NUFIP1: variants seen among roughly 807,000 people sequenced by gnomAD.
NUFIP1 encodes the protein FMR1-interacting protein NUFIP1.
NUFIP1 carries 38 observed loss-of-function variants against 56.2 expected under a neutral mutation model. The observed-to-expected ratio is 0.68, with a 90% CI of 0.52 to 0.89. NUFIP1 has a LOEUF of 0.89. NUFIP1 is among the 40% of genes least tolerant of loss of function. NUFIP1 has a pLI of 0.00. For missense variants in NUFIP1, 567 were observed against 605.8 expected, an observed-to-expected ratio of 0.94 and a Z score of 0.67; for synonymous variants, 215 against 212.4, an observed-to-expected ratio of 1.01 and a Z score of -0.10.
chr13:44,978,783 G>A (rs1872078363), intron 5 of NUFIP1, among the ~76,000 whole-genome samples: 1 of 152,108 alleles, frequency 6.6e-6, no homozygotes, highest in African/African-American at 2.4e-5. Flanking sequence ...TTGAGCAGCA[G>A]GTTACATTTG....
Position 44,983,687 on chromosome 13 carries a change from C to G in NUFIP1, c.413-1533G>C, listed in dbSNP as rs572878519. ...TGGTATGTGCCTGTAGTCCCAGCTA[C>G]TTGTGAGGCTGAGATGGGAGAATCA... On this transcript the variant is annotated intron_variant, in intron 1 of 9. Coordinates refer to ENST00000379161, the MANE Select transcript of NUFIP1 (RefSeq NM_012345.3). Among the ~76,000 whole-genome samples, 4 of 152,248 alleles carry G rather than the reference C, an allele frequency of 2.6e-5. No individual in the cohort carries two copies. In the South Asian group the frequency reaches 8.3e-4, roughly 32 times the overall value.
chr13:44,956,098 T>G (rs923982599), intron 7 of NUFIP1, among the ~76,000 whole-genome samples: 5 of 144,290 alleles, frequency 3.5e-5, no homozygotes, highest in African/African-American at 1.3e-4. Context: ...GAGCCGAGAT[T>G]GCGCCACTGC....
At chr13:44,969,691 T>C (rs551130923) in intron 5 of NUFIP1, among the ~76,000 whole-genome samples, 1 of 152,288 alleles carries the variant, frequency 6.6e-6, no homozygotes, top group East Asian at 1.9e-4. Flanking sequence ...TGCCTATACC[T>C]TATGCCTCCA....
At chr13:44,981,132 T>C (rs1872173820) in intron 2 of NUFIP1, among the ~76,000 whole-genome samples, 19 of 152,142 alleles carry the variant, frequency 1.2e-4, no homozygotes, top group Admixed American at 1.2e-3. Context: ...GTTGAAATGA[T>C]CTGAAAATAA....
intron 7 of NUFIP1, among the ~76,000 whole-genome samples, chr13:44,950,278 T>G (rs1044458406): frequency 3.3e-5 from 5 of 152,228 alleles, no homozygotes; most frequent in African/African-American, 1.2e-4. Context: ...TTTAAGACTG[T>G]TTTTGGGGAT....
Position 44,989,203 on chromosome 13 carries a change from C to A in NUFIP1, c.234G>T (p.Pro78=), listed in dbSNP as rs762055154. The change falls in exon 1 of 10, where the codon CCG becomes CCT. Residue 78 remains proline (P), a synonymous_variant. Coordinates refer to ENST00000379161, the MANE Select transcript of NUFIP1 (RefSeq NM_012345.3). The part of the protein sequence containing the change: ...PMEAQSLPGA[P]PPFDAQILPG... Reference sequence around the variant, plus strand: ...GAAGAATCTGGGCGTCGAAGGGGGGCGGAGCCCCGGGGAGAGACTGGGCCT... The same window carrying A: ...GAAGAATCTGGGCGTCGAAGGGGGGAGGAGCCCCGGGGAGAGACTGGGCCT... The A allele has an allele frequency of 2.5e-6, 4 of 1,610,454 alleles. No homozygotes were observed. The highest frequency in any genetic ancestry group is 2.2e-5 in the South Asian group (2 of 90,560).
chr13:44,940,519 C>T lies in NUFIP1; in HGVS notation c.*687G>A, dbSNP rs978505369. The T allele has an allele frequency of 6.6e-6, 1 of 152,122 alleles. No homozygotes were observed. Among genetic ancestry groups the T allele is most frequent in the African/African-American group, 2.4e-5 (1 of 41,434 alleles). 9.4% of individuals were successfully genotyped at this position (152,122 alleles called of 1,614,324 possible). On this transcript the variant is annotated 3_prime_UTR_variant, in exon 10 of 10. Transcript: ENST00000379161. ...ATGACTAGAACACAAGCTCAAATTC[C>T]CTGGTATTATAGGAGACAAAAAGAT...
chr13:44,984,245 T>C (rs1872302127), intron 1 of NUFIP1, among the ~76,000 whole-genome samples: 1 of 152,212 alleles, frequency 6.6e-6, no homozygotes, highest in African/African-American at 2.4e-5. Flanking sequence ...TCAGCTATTA[T>C]ATGCCTCTAT....
chr13:44,988,982 G>A (rs1872543177), intron 1 of NUFIP1, 43 bp downstream of exon 1: 1 of 1,599,642 alleles, frequency 6.3e-7, no homozygotes, highest in South Asian at 1.1e-5. Context: ...AAAGAACGGG[G>A]GAAAAAGGTA....
In NUFIP1 at chr13:44,959,496, G is replaced by C; in HGVS notation, c.906C>G (p.Asp302Glu). The C allele has an allele frequency of 6.2e-7, 1 of 1,613,986 alleles. No individual in the cohort carries two copies. The highest frequency in any genetic ancestry group is 8.5e-7 in the Non-Finnish European group (1 of 1,179,998). Reference protein sequence around the residue: ...SPGKNHKWKNDNSRQRAVTGS... With the variant: ...SPGKNHKWKNENSRQRAVTGS... ...CAGTGACTGCTCTCTGTCTAGAATT[G>C]TCGTTTTTCCATTTGTGATTCTTGC... is the stretch of plus-strand genomic sequence containing the variant. Residue 302 changes from aspartate to glutamate, a missense_variant, in exon 7 of 10, where the codon GAC becomes GAG. Physicochemically the swap from Asp to Glu is conservative, Grantham distance 45 (BLOSUM62 2). Coordinates refer to ENST00000379161, the MANE Select transcript of NUFIP1 (RefSeq NM_012345.3).
intron 5 of NUFIP1, among the ~76,000 whole-genome samples, chr13:44,969,536 G>T (rs956764845): frequency 6.6e-6 from 1 of 151,972 alleles, no homozygotes; most frequent in African/African-American, 2.4e-5. Flanking sequence ...TTTCACAGTT[G>T]GTTTTTCTAT....
In NUFIP1 at chr13:44,989,276, A is replaced by C. The variant is rs1431904878; in HGVS notation, c.161T>G (p.Leu54Arg). 6.2e-7 allele frequency: 1 copy of C among 1,613,628 alleles called. No individual in the cohort carries two copies. The change falls in exon 1 of 10, where the codon CTT becomes CGT. Residue 54 changes from leucine (L) to arginine (R), a missense_variant. Transcript: ENST00000379161. ...GGAAGGCTTTGACCCGGCTGCGGGA[A>C]GCGAGGACGTAAGTGGTGGTGGCGG... ...PPPPPPLTSS[L>R]PAAGSKPSSE...
At position 44,987,979 on chromosome 13, in the gene NUFIP1, T is replaced by C. The variant is rs1276860527; in HGVS notation, c.412+1046A>G. ...CCACACTGGTTCCCATTCTGATGTA[T>C]AGCTTCTAAGCCTCAAGACCTTTGC... On this transcript the variant is annotated intron_variant, in intron 1 of 9. Transcript: ENST00000379161. Among the ~76,000 whole-genome samples the C allele has an allele frequency of 5.3e-5, 8 of 152,232 alleles. No homozygotes were observed. The South Asian group carries it at 8.3e-4, about 16-fold the overall frequency.
intron 8 of NUFIP1, among the ~76,000 whole-genome samples, chr13:44,947,710 T>C (rs1024219821): frequency 6.6e-5 from 10 of 152,180 alleles, no homozygotes; most frequent in African/African-American, 2.4e-4. Context: ...GTCCAGCCTG[T>C]TTTTATGGGA....
chr13:44,948,810 C>A (rs978328599), intron 8 of NUFIP1, among the ~76,000 whole-genome samples: 2 of 152,122 alleles, frequency 1.3e-5, no homozygotes, highest in African/African-American at 4.8e-5. Flanking sequence ...CGTTACCATC[C>A]GTAACATCAT....
rs561271336 is a variant in NUFIP1, at chr13:44,964,250, G to T, written c.827+1594C>A. Among the ~76,000 whole-genome samples, 29 of 152,164 alleles carry T rather than the reference G, an allele frequency of 1.9e-4. 1 individual carries two copies. Among genetic ancestry groups the T allele is most frequent in the Admixed American group, 1.0e-3 (16 of 15,282 alleles). Reference sequence around the variant, plus strand: ...AAAAGATTAATAAATCAGACTTCATGAAAATTGAAATTTTTATTTATAAAA... The same window carrying T: ...AAAAGATTAATAAATCAGACTTCATTAAAATTGAAATTTTTATTTATAAAA... On this transcript the variant is annotated intron_variant, in intron 6 of 9. Coordinates refer to ENST00000379161, the MANE Select transcript of NUFIP1 (RefSeq NM_012345.3).
chr13:44,957,161 T>C (rs1871273170), intron 7 of NUFIP1, among the ~76,000 whole-genome samples: 2 of 152,308 alleles, frequency 1.3e-5, no homozygotes, highest in South Asian at 2.1e-4. Context: ...ACCCTCATTA[T>C]AGGTAAGGGT....
rs1343067697 is a variant in NUFIP1 at position 44,940,341 on chromosome 13, C to T, written c.*865G>A. 6.6e-6 allele frequency: 1 copy of T among 152,246 alleles called. No individual in the cohort carries two copies. The highest frequency in any genetic ancestry group is 1.5e-5 in the Non-Finnish European group (1 of 68,040). 9.4% of individuals were successfully genotyped at this position (152,246 alleles called of 1,614,324 possible). ...CCAACATGGAGGAGCTATCAGCTTT[C>T]TTACCTTTCTTCCTTGACAGCAAGA... is the stretch of plus-strand genomic sequence containing the variant. On this transcript the variant is annotated 3_prime_UTR_variant, in exon 10 of 10. Transcript: ENST00000379161.
chr13:44,986,100 C>G (rs1872379380), intron 1 of NUFIP1, among the ~76,000 whole-genome samples: 1 of 152,108 alleles, frequency 6.6e-6, no homozygotes, highest in African/African-American at 2.4e-5. Context: ...GGATTACAGT[C>G]GTGAGCCACC....
Sources: gnomAD v4.1 joint callset for allele counts (sites outside exome capture counted in the v4.1 genomes callset) on GRCh38, gnomAD v4.1.1 for gene constraint, MANE v1.5 for transcripts, NCBI Gene and HGNC (gene_info 2026-07-23, HGNC 2026-07-21) for gene names.